Variants in CTIF observed in about 807,000 individuals in gnomAD.
The protein encoded by CTIF is CBP80/20-dependent translation initiation factor.
Under a neutral mutation model 66.0 loss-of-function variants are expected in CTIF, and 21 were observed. That is an observed-to-expected ratio of 0.32 (90% CI 0.23 to 0.46). The LOEUF (loss-of-function observed/expected upper bound fraction) is 0.46, where lower values mean the gene tolerates loss of function less well. Among genes scored for constraint, CTIF ranks in the 20% least tolerant of loss-of-function variants. The probability of loss-of-function intolerance (pLI) is 1.00; values close to 1 mark genes in which losing one functional copy is unlikely to be tolerated. For missense variants in CTIF, 739 were observed against 812.7 expected, an observed-to-expected ratio of 0.91 and a Z score of 1.10; for synonymous variants, 345 against 326.4, an observed-to-expected ratio of 1.06 and a Z score of -0.62.
chr18:48,634,136 T>G (rs1287505930), intron 2 of CTIF, among the ~76,000 whole-genome samples: 2 of 152,222 alleles, frequency 1.3e-5, no homozygotes, highest in African/African-American at 4.8e-5. Flanking sequence ...AATGCTTCTG[T>G]AGAAAGCTCA....
intron 7 of CTIF, 97 bp from the exon 8 acceptor site, chr18:48,757,822 G>A (rs1908540406): frequency 6.8e-7 from 1 of 1,460,130 alleles, no homozygotes; most frequent in Non-Finnish European, 9.2e-7. Flanking sequence ...TGAATATATG[G>A]ACAAGGCAAT....
chr18:48,661,376 GTT>G (rs984028479), intron 3 of CTIF, among the ~76,000 whole-genome samples: 1 of 143,862 alleles, frequency 7.0e-6, no homozygotes, highest in East Asian at 2.2e-4. Flanking sequence ...GGAAGCAAGA[GTT>G]TTGTTTGCAT....
intron 1 of CTIF, among the ~76,000 whole-genome samples, chr18:48,605,005 A>G (rs915205316): frequency 2.0e-5 from 3 of 152,032 alleles, no homozygotes; most frequent in Non-Finnish European, 4.4e-5. Flanking sequence ...CATAGTTCAT[A>G]TTTTGTTATC....
intron 1 of CTIF, among the ~76,000 whole-genome samples, chr18:48,597,654 C>T (rs1331018505): frequency 3.3e-5 from 5 of 151,992 alleles, no homozygotes; most frequent in Admixed American, 1.3e-4. Context: ...CTGAAGCCTC[C>T]CCAGCAGCCA....
chr18:48,812,027 A>G (rs1174388664), intron 9 of CTIF, among the ~76,000 whole-genome samples: 1 of 152,140 alleles, frequency 6.6e-6, no homozygotes, highest in African/African-American at 2.4e-5. Context: ...CAGTGGCATG[A>G]TCTCAGCTCA....
At chr18:48,658,562 C>T (rs1371155526) in intron 3 of CTIF, among the ~76,000 whole-genome samples, 1 of 151,526 alleles carries the variant, frequency 6.6e-6, no homozygotes, top group Non-Finnish European at 1.5e-5. Context: ...GTGTGGCACA[C>T]ATTGTGTGGA....
At chr18:48,609,533 C>T (rs1443779868) in intron 1 of CTIF, among the ~76,000 whole-genome samples, 1 of 152,194 alleles carries the variant, frequency 6.6e-6, no homozygotes, top group Non-Finnish European at 1.5e-5. Flanking sequence ...GTGGCACTTT[C>T]ACCATCAGCC....
chr18:48,600,588 G>A (rs2090072640), intron 1 of CTIF, among the ~76,000 whole-genome samples: 1 of 151,916 alleles, frequency 6.6e-6, no homozygotes, highest in South Asian at 2.1e-4. Context: ...ACAGGCGTTT[G>A]TTGCGCTTTG....
Position 48,860,299 on chromosome 18 carries a change from C to G in CTIF, c.*740C>G, listed in dbSNP as rs2146698090. 1 of 289,882 alleles carries G rather than the reference C, an allele frequency of 3.4e-6. No homozygotes were observed. The highest frequency in any genetic ancestry group is 4.4e-5 in the Admixed American group (1 of 22,786). 18.0% of individuals were successfully genotyped at this position (289,882 alleles called of 1,614,324 possible). ...TCGGTTGCTTTGAAGTCTCTTTGGCCAATGAAAATGCCCGTGATGTGATCA... is the reference window on the plus strand; with the variant it reads ...TCGGTTGCTTTGAAGTCTCTTTGGCGAATGAAAATGCCCGTGATGTGATCA... On this transcript the variant is annotated 3_prime_UTR_variant, in exon 12 of 12. Coordinates refer to ENST00000256413, the MANE Select transcript of CTIF (RefSeq NM_014772.3).
chr18:48,672,467 A>G (rs1004329581), intron 6 of CTIF, among the ~76,000 whole-genome samples: 5 of 152,170 alleles, frequency 3.3e-5, no homozygotes, highest in African/African-American at 1.2e-4. Flanking sequence ...CTACTTCCAG[A>G]TTCACCTAGG....
intron 9 of CTIF, among the ~76,000 whole-genome samples, chr18:48,765,286 T>C (rs1164186582): frequency 6.6e-6 from 1 of 152,070 alleles, no homozygotes; most frequent in African/African-American, 2.4e-5. Context: ...CTCAGCTCCA[T>C]CCACTCAAGG....
chr18:48,803,242 G>A (rs1319148021), intron 9 of CTIF, among the ~76,000 whole-genome samples: 1 of 152,232 alleles, frequency 6.6e-6, no homozygotes, highest in Non-Finnish European at 1.5e-5. Flanking sequence ...GCTGTTCCCA[G>A]CCACAGTGTG....
chr18:48,564,659 C>A (rs2089239415), intron 1 of CTIF: 1 of 152,304 alleles, frequency 6.6e-6, no homozygotes, highest in Admixed American at 6.6e-5. Context: ...TGTTCTGTCA[C>A]CCAGGCAGGA....
chr18:48,544,986 G>A (rs575689932), intron 1 of CTIF, among the ~76,000 whole-genome samples: 2 of 152,288 alleles, frequency 1.3e-5, no homozygotes, highest in Admixed American at 6.5e-5. Context: ...CCCTTACAGC[G>A]GCACAGACAA....
intron 9 of CTIF, among the ~76,000 whole-genome samples, chr18:48,798,624 AC>A (rs1451403146): frequency 3.9e-5 from 6 of 152,036 alleles, no homozygotes; most frequent in Admixed American, 6.6e-5. Flanking sequence ...TTCGGGGTGC[AC>A]CCCCACCTGC....
At chr18:48,650,816 T>C in intron 3 of CTIF, among the ~76,000 whole-genome samples, 1 of 149,440 alleles carries the variant, frequency 6.7e-6, no homozygotes, top group East Asian at 2.0e-4. Flanking sequence ...TGGAGGCCAA[T>C]ATTCAACATT....
Position 48,761,240 on chromosome 18 carries a change from G to A in CTIF, c.1072-150G>A. On this transcript the variant is annotated intron_variant, in intron 8 of 11. Transcript: ENST00000256413. This position sits in a 1 kb window ranked among gnomAD's most constrained non-coding sequence, Gnocchi z 4.2. ...GCTTTTGGCGCATGAGGGGTCTTTG[G>A]TGGAGGTTCCCAGAGGGACCAGCCC... 4.3e-6 allele frequency: 3 copies of A among 692,694 alleles called. No homozygotes were observed. The South Asian group carries it at 5.9e-5, about 14-fold the overall frequency. 42.9% of individuals were successfully genotyped at this position (692,694 alleles called of 1,614,324 possible).
In CTIF at chr18:48,744,167, T is replaced by C. The variant is rs560678759; in HGVS notation, c.585-13752T>C. ...CACTCAAGTTCCATTAGGGATTCTA[T>C]TGGTTCCAAGTACACAGATGCACAA... is the stretch of plus-strand genomic sequence containing the variant. On this transcript the variant is annotated intron_variant, in intron 7 of 11. Transcript: ENST00000256413. 5.9e-5 allele frequency among the ~76,000 whole-genome samples: 9 copies of C among 152,322 alleles called. No homozygotes were observed. The South Asian group carries it at 1.7e-3, about 28-fold the overall frequency.
intron 1 of CTIF, among the ~76,000 whole-genome samples, chr18:48,550,136 T>A (rs1310527497): frequency 6.6e-6 from 1 of 152,206 alleles, no homozygotes; most frequent in Non-Finnish European, 1.5e-5. Context: ...ATGCCTTTTT[T>A]GTGGTCCCAG....
Sources: gnomAD v4.1 joint callset for allele counts (sites outside exome capture counted in the v4.1 genomes callset) on GRCh38, gnomAD v4.1.1 for gene constraint, Gnocchi (gnomAD v3.1) non-coding constraint, MANE v1.5 for transcripts, NCBI Gene and HGNC (gene_info 2026-07-23, HGNC 2026-07-21) for gene names.